RHBDL2: variants seen among roughly 807,000 people sequenced by gnomAD.
RHBDL2 encodes rhomboid-related protein 2.
In RHBDL2, 26 loss-of-function variants were observed where a neutral mutation model predicts 31.7. That is an observed-to-expected ratio of 0.82 (90% CI 0.60 to 1.14). The LOEUF (loss-of-function observed/expected upper bound fraction) is 1.14, where lower values mean the gene tolerates loss of function less well. Among genes scored for constraint, RHBDL2 ranks in the 50% most tolerant of loss-of-function variants. RHBDL2 has a pLI of 0.00. For synonymous variants in RHBDL2, 123 were observed against 127.2 expected, an observed-to-expected ratio of 0.97 and a Z score of 0.22; for missense variants, 336 against 364.4, an observed-to-expected ratio of 0.92 and a Z score of 0.63.
chr1:38,914,107 C>T (rs1261883166), intron 3 of RHBDL2, among the ~76,000 whole-genome samples: 1 of 150,706 alleles, frequency 6.6e-6, no homozygotes, highest in Non-Finnish European at 1.5e-5. Context: ...TAGAGCTAGA[C>T]TCTATCTCAA....
chr1:38,929,300 C>A, intron 1 of RHBDL2: 1 of 841,844 alleles, frequency 1.2e-6, no homozygotes. Context: ...CCCACCATCC[C>A]CACTGCTACG....
In RHBDL2 at chr1:38,897,397, G is replaced by A. The variant is rs572874599; in HGVS notation, c.509-1328C>T. 2.2e-4 allele frequency among the ~76,000 whole-genome samples: 34 copies of A among 152,226 alleles called. No homozygotes were observed. The East Asian group carries it at 6.0e-3, about 27-fold the overall frequency. Reference sequence around the variant, plus strand: ...TTACAGGCGTGAGCCATTGCGCCCGGCCTAAACTTTGAAGAATCTTTAAGA... The same window carrying A: ...TTACAGGCGTGAGCCATTGCGCCCGACCTAAACTTTGAAGAATCTTTAAGA... On this transcript the variant is annotated intron_variant, in intron 4 of 7. Coordinates refer to ENST00000372990, the MANE Select transcript of RHBDL2 (RefSeq NM_017821.5).
chr1:38,937,209 G>A lies in RHBDL2; in HGVS notation c.-126+4473C>T, dbSNP rs181903187. Among the ~76,000 whole-genome samples, 98 of 152,260 alleles carry A rather than the reference G, an allele frequency of 6.4e-4. No homozygotes were observed. The East Asian group carries it at 0.013, about 20-fold the overall frequency. On this transcript the variant is annotated intron_variant, in intron 1 of 7. Coordinates refer to ENST00000372990, the MANE Select transcript of RHBDL2 (RefSeq NM_017821.5). ...GATCCACCCGCCTCGGCCTCTCAAA[G>A]TGCTGGGATTACAGGCGTGAGCCAC...
chr1:38,927,319 C>T lies in RHBDL2; in HGVS notation c.-125-7982G>A, dbSNP rs1273598965. On this transcript the variant is annotated intron_variant, in intron 1 of 7. Transcript: ENST00000372990. Reference sequence around the variant, plus strand: ...GCGGGCGCCTGTAGTCCCAGCTACTCGGGAGGCTGAGGCAGGAGAACGGCA... The same window carrying T: ...GCGGGCGCCTGTAGTCCCAGCTACTTGGGAGGCTGAGGCAGGAGAACGGCA... Among the ~76,000 whole-genome samples the T allele has an allele frequency of 4.6e-5, 7 of 151,626 alleles. No homozygotes were observed. The East Asian group carries it at 5.8e-4, about 13-fold the overall frequency.
At chr1:38,910,770 T>TGG in intron 4 of RHBDL2, among the ~76,000 whole-genome samples, 1 of 110,994 alleles carries the variant, frequency 9.0e-6, no homozygotes, top group Non-Finnish European at 1.9e-5. Context: ...TTTTTTTTTT[T>TGG]TTTGTTTGTT....
chr1:38,939,328 C>T (rs973036903), intron 1 of RHBDL2, among the ~76,000 whole-genome samples: 6 of 152,152 alleles, frequency 3.9e-5, no homozygotes, highest in South Asian at 4.2e-4. Context: ...GCAGCCTTGG[C>T]GTCTCAGGCT....
At chr1:38,932,739 C>T (rs1465179248) in intron 1 of RHBDL2, among the ~76,000 whole-genome samples, 1 of 152,170 alleles carries the variant, frequency 6.6e-6, no homozygotes, top group African/African-American at 2.4e-5. Flanking sequence ...GAATTACAGG[C>T]GTGAGCCACC....
chr1:38,897,648 G>A (rs192149441), intron 4 of RHBDL2, among the ~76,000 whole-genome samples: 165 of 152,284 alleles, frequency 1.1e-3, no homozygotes, highest in African/African-American at 3.8e-3. Context: ...CCAGGAGTTT[G>A]AGGCTGCAGT....
chr1:38,894,989 G>T (rs2124305466), intron 5 of RHBDL2, among the ~76,000 whole-genome samples: 1 of 152,268 alleles, frequency 6.6e-6, no homozygotes, highest in Admixed American at 6.5e-5. Context: ...ACAGGCGTGA[G>T]CCACCGCACC....
intron 3 of RHBDL2, among the ~76,000 whole-genome samples, chr1:38,915,061 C>T (rs1331414542): frequency 6.6e-6 from 1 of 151,244 alleles, no homozygotes; most frequent in Non-Finnish European, 1.5e-5. Flanking sequence ...GGATGCTGGC[C>T]TTAGAGTTAG....
chr1:38,899,613 G>A (rs1200641688), intron 4 of RHBDL2, among the ~76,000 whole-genome samples: 1 of 152,236 alleles, frequency 6.6e-6, no homozygotes, highest in African/African-American at 2.4e-5. Context: ...CCACAGCCAG[G>A]TTTCCCTTAG....
intron 6 of RHBDL2, among the ~76,000 whole-genome samples, chr1:38,888,494 C>T (rs971996091): frequency 6.6e-6 from 1 of 152,060 alleles, no homozygotes; most frequent in Non-Finnish European, 1.5e-5. Flanking sequence ...ATAGGGGTGT[C>T]AAGGAGGATC....
At chr1:38,915,059 G>A (rs1327141402) in intron 3 of RHBDL2, among the ~76,000 whole-genome samples, 1 of 151,468 alleles carries the variant, frequency 6.6e-6, no homozygotes, top group Non-Finnish European at 1.5e-5. Context: ...AAGGATGCTG[G>A]CCTTAGAGTT....
chr1:38,921,080 G>A (rs983452745), intron 1 of RHBDL2, among the ~76,000 whole-genome samples: 3 of 152,178 alleles, frequency 2.0e-5, no homozygotes, highest in African/African-American at 7.2e-5. Flanking sequence ...ACATTGCCGG[G>A]AAGCTTACTT....
In RHBDL2 at chr1:38,901,895, G is replaced by A. The variant is rs1055584829; in HGVS notation, c.509-5826C>T. Among the ~76,000 whole-genome samples the A allele has an allele frequency of 2.0e-5, 3 of 150,994 alleles. No homozygotes were observed. The East Asian group carries it at 5.8e-4, about 29-fold the overall frequency. On this transcript the variant is annotated intron_variant, in intron 4 of 7. Coordinates refer to ENST00000372990, the MANE Select transcript of RHBDL2 (RefSeq NM_017821.5). ...AAAACAAAAACTGATAGAACCACAGGAGAAACAAACAAATGCATTATTATA... is the reference window on the plus strand; with the variant it reads ...AAAACAAAAACTGATAGAACCACAGAAGAAACAAACAAATGCATTATTATA...
chr1:38,900,921 G>A (rs1042491556), intron 4 of RHBDL2, among the ~76,000 whole-genome samples: 19 of 151,382 alleles, frequency 1.3e-4, no homozygotes, highest in Non-Finnish European at 2.4e-4. Flanking sequence ...GGTGGCACAC[G>A]TCTGTAGTCC....
intron 4 of RHBDL2, among the ~76,000 whole-genome samples, chr1:38,896,490 A>T (rs1368990557): frequency 6.6e-6 from 1 of 152,166 alleles, no homozygotes; most frequent in Non-Finnish European, 1.5e-5. Flanking sequence ...TATATTTGTT[A>T]GCTATTAGGT....
intron 1 of RHBDL2, 65 bp from the exon 2 acceptor site, chr1:38,919,402 A>C: frequency 2.1e-6 from 3 of 1,434,150 alleles, no homozygotes; most frequent in Non-Finnish European, 2.7e-6. Context: ...ATGGCCCAAA[A>C]TAAAGTTTTC....
intron 1 of RHBDL2, among the ~76,000 whole-genome samples, chr1:38,922,226 A>C (rs1486436966): frequency 1.3e-5 from 2 of 151,060 alleles, no homozygotes; most frequent in African/African-American, 4.9e-5. Context: ...AGGCTCTAGC[A>C]CCAAATGAGC....
Sources: allele counts gnomAD v4.1 joint callset (sites outside exome capture counted in the v4.1 genomes callset), GRCh38; gene constraint gnomAD v4.1.1; transcripts MANE v1.5; gene names NCBI Gene and HGNC (gene_info 2026-07-23, HGNC 2026-07-21).